BAZ1A: variants seen among roughly 807,000 people sequenced by gnomAD.
The protein encoded by BAZ1A is bromodomain adjacent to zinc finger domain protein 1A.
In BAZ1A, 50 loss-of-function variants were observed where a neutral mutation model predicts 185.2. That is an observed-to-expected ratio of 0.27 (90% CI 0.22 to 0.34). The LOEUF (loss-of-function observed/expected upper bound fraction) is 0.34. BAZ1A is among the 10% of genes least tolerant of loss of function. The probability of loss-of-function intolerance (pLI) is 1.00; values close to 1 mark genes in which losing one functional copy is unlikely to be tolerated. For synonymous variants in BAZ1A, 571 were observed against 615.6 expected (o/e 0.93, Z 1.07); for missense variants, 1,356 against 1,839.9 (o/e 0.74, Z 4.81).
At chr14:34,873,777 C>CGA (rs145572032) in intron 2 of BAZ1A, among the ~76,000 whole-genome samples, 133,760 of 151,970 alleles carry the variant, frequency 0.88, 59,559 homozygotes, top group Non-Finnish European at 0.95. Flanking sequence ...TCCCCGGAGA[C>CGA]GAGTTAGTCA....
chr14:34,774,252 C>A, intron 19 of BAZ1A, 75 bp downstream of exon 19: 1 of 1,253,202 alleles, frequency 8.0e-7, no homozygotes, highest in South Asian at 1.6e-5. Flanking sequence ...TTGTCTATGC[C>A]ATATAATTAA....
intron 4 of BAZ1A, among the ~76,000 whole-genome samples, chr14:34,821,988 A>T (rs575642099): frequency 1.3e-4 from 19 of 150,560 alleles, no homozygotes; most frequent in African/African-American, 4.2e-4. Context: ...CCATCTCAAA[A>T]TAAAAATAAA....
chr14:34,865,760 T>G (rs1594916771), intron 2 of BAZ1A, among the ~76,000 whole-genome samples: 1 of 152,076 alleles, frequency 6.6e-6, no homozygotes, highest in Admixed American at 6.6e-5. Flanking sequence ...AAATACAAAG[T>G]AAAAAGCAGT....
intron 3 of BAZ1A, among the ~76,000 whole-genome samples, chr14:34,842,172 T>C (rs968123419): frequency 2.0e-5 from 3 of 152,090 alleles, no homozygotes; most frequent in African/African-American, 7.2e-5. Context: ...TGTGTGTACT[T>C]TAAAGTACTA....
chr14:34,832,209 CACACACATAT>C (rs2042254829), intron 3 of BAZ1A, among the ~76,000 whole-genome samples: 1 of 63,934 alleles, frequency 1.6e-5, no homozygotes, highest in African/African-American at 5.1e-5. Context: ...CACACACACA[CACACACATAT>C]ATATATATAT....
At chr14:34,796,603 T>C (rs1393388638) in intron 9 of BAZ1A, among the ~76,000 whole-genome samples, 1 of 152,220 alleles carries the variant, frequency 6.6e-6, no homozygotes, top group East Asian at 1.9e-4. Context: ...AAACCCTTAC[T>C]TTTTGATTCT....
chr14:34,845,093 G>C (rs2042487726), intron 3 of BAZ1A, among the ~76,000 whole-genome samples: 1 of 152,028 alleles, frequency 6.6e-6, no homozygotes, highest in Non-Finnish European at 1.5e-5. Context: ...TTGAACCTTT[G>C]TGTTTTTAAA....
intron 2 of BAZ1A, among the ~76,000 whole-genome samples, chr14:34,870,012 T>G (rs567925395): frequency 2.0e-5 from 3 of 152,168 alleles, no homozygotes; most frequent in African/African-American, 7.2e-5. Context: ...TCCAGCTGAC[T>G]GCAGCTAAGT....
chr14:34,815,190 A>G (rs2041988309), intron 4 of BAZ1A, among the ~76,000 whole-genome samples: 1 of 152,144 alleles, frequency 6.6e-6, no homozygotes, highest in Non-Finnish European at 1.5e-5. Flanking sequence ...ATAAATAGAA[A>G]TTTTTTTCTA....
At chr14:34,832,489 C>T (rs945754256) in intron 3 of BAZ1A, among the ~76,000 whole-genome samples, 24 of 148,942 alleles carry the variant, frequency 1.6e-4, no homozygotes, top group African/African-American at 5.2e-4. Context: ...AATTCAAAGA[C>T]GGGCAAAAGA....
rs1048543922 is a variant in BAZ1A at position 34,874,270 on chromosome 14, C to T, written c.113+222G>A. The T allele has an allele frequency of 1.7e-5, 9 of 515,330 alleles. No homozygotes were observed. The Admixed American group carries it at 3.3e-4, about 19-fold the overall frequency. The allele number at this position is 515,330 out of a possible 1,614,324, so 31.9% of individuals were successfully genotyped here. A position where few individuals can be genotyped will look rare whatever the true frequency, so the allele number is the denominator to read the frequency against. ...AGGCCGGCCAGGGACCCAGCCTCCT[C>T]CGCCACTACCAACCCGCGTTCCCCA... On this transcript the variant is annotated intron_variant, in intron 2 of 26. Transcript: ENST00000360310. This position sits in a 1 kb window ranked among gnomAD's most constrained non-coding sequence, Gnocchi z 4.7.
intron 12 of BAZ1A, among the ~76,000 whole-genome samples, chr14:34,789,439 C>T (rs1880702272): frequency 6.6e-6 from 1 of 152,242 alleles, no homozygotes; most frequent in Non-Finnish European, 1.5e-5. Flanking sequence ...CTAGGATTTG[C>T]TTAGTGATAG....
chr14:34,767,172 T>C (rs1366795829), intron 21 of BAZ1A, among the ~76,000 whole-genome samples: 2 of 152,372 alleles, frequency 1.3e-5, no homozygotes, highest in East Asian at 1.9e-4. Context: ...GTAGACAGTA[T>C]ATAAACCAGC....
At chr14:34,753,985 G>C (rs1044726844) in intron 26 of BAZ1A, among the ~76,000 whole-genome samples, 2 of 151,846 alleles carry the variant, frequency 1.3e-5, no homozygotes, top group Non-Finnish European at 2.9e-5. Context: ...ACTTGCGGTG[G>C]TTCAAGCCTG....
intron 6 of BAZ1A, among the ~76,000 whole-genome samples, chr14:34,805,855 A>C (rs1009089839): frequency 1.6e-4 from 23 of 140,766 alleles, no homozygotes; most frequent in Admixed American, 1.5e-3. Flanking sequence ...TTTTTCCCCC[A>C]GCGCTTGCCC....
chr14:34,783,279 A>C lies in BAZ1A; in HGVS notation c.1998-47T>G, dbSNP rs539262808. On this transcript the variant is annotated intron_variant, in intron 15 of 26. Coordinates refer to ENST00000360310, the MANE Select transcript of BAZ1A (RefSeq NM_013448.3). ...GGTAGTCTATCTGATGCACATATAC[A>C]TTTCACTTTTAGCATCTTGTCTTTA... 13 of 1,147,238 alleles carry C rather than the reference A, an allele frequency of 1.1e-5. No individual in the cohort carries two copies. The South Asian group carries it at 1.8e-4, about 16-fold the overall frequency. 71.1% of individuals were successfully genotyped at this position (1,147,238 alleles called of 1,614,324 possible).
At chr14:34,843,682 A>AT (rs1202741014) in intron 3 of BAZ1A, among the ~76,000 whole-genome samples, 12 of 152,038 alleles carry the variant, frequency 7.9e-5, no homozygotes, top group Admixed American at 2.0e-4. Context: ...AAATATAGCT[A>AT]TTTTTTTCCA....
intron 4 of BAZ1A, among the ~76,000 whole-genome samples, chr14:34,818,680 C>A (rs66935528): frequency 0.064 from 9,771 of 152,170 alleles, 363 homozygotes; most frequent in South Asian, 0.14. Context: ...TGTCCCATCC[C>A]ACCCAGGACA....
chr14:34,830,138 T>C (rs2042219674), intron 3 of BAZ1A, among the ~76,000 whole-genome samples: 1 of 152,210 alleles, frequency 6.6e-6, no homozygotes, highest in African/African-American at 2.4e-5. Context: ...ATTCCGCTTT[T>C]AGCTATATAC....
Sources: gnomAD v4.1 joint callset for allele counts (sites outside exome capture counted in the v4.1 genomes callset) on GRCh38, gnomAD v4.1.1 for gene constraint, Gnocchi (gnomAD v3.1) non-coding constraint, MANE v1.5 for transcripts, NCBI Gene and HGNC (gene_info 2026-07-23, HGNC 2026-07-21) for gene names.